Variants in RPS6KL1 observed in about 807,000 individuals in gnomAD.
RPS6KL1 encodes the protein ribosomal protein S6 kinase like 1, also known as ribosomal protein S6 kinase-like 1.
Under a neutral mutation model 57.0 loss-of-function variants are expected in RPS6KL1, and 41 were observed. The ratio of observed to expected loss-of-function variants is 0.72; its 90% confidence interval spans 0.56 to 0.93. The LOEUF is 0.93. Ranked by LOEUF, RPS6KL1 falls within the 40% of genes least tolerant of loss-of-function variation. The pLI, the probability that RPS6KL1 is intolerant of heterozygous loss-of-function variation, is 0.00. For synonymous variants in RPS6KL1, 287 were observed against 309.7 expected, an observed-to-expected ratio of 0.93 and a Z score of 0.77; for missense variants, 697 against 727.7, an observed-to-expected ratio of 0.96 and a Z score of 0.49.
intron 11 of RPS6KL1, 24 bp downstream of exon 11, chr14:74,907,411 T>TCC: frequency 6.4e-7 from 1 of 1,554,540 alleles, no homozygotes; most frequent in Admixed American, 1.9e-5. Context: ...GGCAGCTGCT[T>TCC]CCTCTGGCCG....
intron 7 of RPS6KL1, 162 bp downstream of exon 7, chr14:74,911,086 G>T (rs1885874148): frequency 1.6e-6 from 1 of 639,826 alleles, no homozygotes; most frequent in African/African-American, 1.8e-5. Flanking sequence ...TGGCCAGGCT[G>T]GTCTTGAACT....
At position 74,911,303 on chromosome 14, in the gene RPS6KL1, C is replaced by T; in HGVS notation, c.609G>A (p.Leu203=). Residue 203 remains leucine (L), a synonymous_variant, in exon 7 of 12, where the codon CTG becomes CTA. Coordinates refer to ENST00000557413, the MANE Select transcript of RPS6KL1 (RefSeq NM_031464.5). The part of the protein sequence containing the change: ...IPHGVPYMTK[L]LRYFVSEDSI... ...AGTCCTCGCTCACAAAGTACCTGAG[C>T]AGCTTCGTCATGTAGGGGACTCCGT... 6.2e-7 allele frequency: 1 copy of T among 1,612,638 alleles called. No individual in the cohort carries two copies.
chr14:74,920,601 T>C (rs1887674652), intron 3 of RPS6KL1, among the ~76,000 whole-genome samples: 1 of 152,248 alleles, frequency 6.6e-6, no homozygotes, highest in African/African-American at 2.4e-5. Flanking sequence ...TTGAATGTTC[T>C]TTCTGGAACT....
rs1266131484 is a variant in RPS6KL1, at chr14:74,919,862, C to T, written c.373G>A (p.Gly125Arg). Residue 125 changes from glycine to arginine, a missense_variant, in exon 4 of 12, where the codon GGA becomes AGA. Coordinates refer to ENST00000557413, the MANE Select transcript of RPS6KL1 (RefSeq NM_031464.5). ...CTCCTCACCGCGCTGGGGCTGGCTC[C>T]ACTGCTCAGCGGCCGCTGCAGGTGG... ...NCHLQRPLSS[G>R]ASPSAGFSSL... 3.7e-6 allele frequency: 6 copies of T among 1,613,422 alleles called. No individual in the cohort carries two copies. The highest frequency in any genetic ancestry group is 5.1e-6 in the Non-Finnish European group (6 of 1,179,966).
rs2140252887 is a variant in RPS6KL1, at chr14:74,908,722, C to T, written c.1443+128G>A. ...TTGGGAGTGCTAAGTGTGTCCCTGGCTTCGGGGGCAGTTGTGCTGGTAGGA... is the reference window on the plus strand; with the variant it reads ...TTGGGAGTGCTAAGTGTGTCCCTGGTTTCGGGGGCAGTTGTGCTGGTAGGA... On this transcript the variant is annotated intron_variant, in intron 10 of 11. Coordinates refer to ENST00000557413, the MANE Select transcript of RPS6KL1 (RefSeq NM_031464.5). The T allele has an allele frequency of 5.1e-6, 4 of 789,718 alleles. No homozygotes were observed. The East Asian group carries it at 7.6e-5, about 15-fold the overall frequency. 48.9% of individuals were successfully genotyped at this position (789,718 alleles called of 1,614,324 possible).
At chr14:74,910,497 A>G (rs1208790751) in intron 7 of RPS6KL1, 2 of 189,018 alleles carry the variant, frequency 1.1e-5, no homozygotes, top group Admixed American at 1.2e-4. Context: ...TCAGGCACAC[A>G]CTTATGATGA....
chr14:74,907,279 G>T, intron 11 of RPS6KL1, 155 bp from the exon 12 acceptor site: 1 of 1,391,050 alleles, frequency 7.2e-7, no homozygotes, highest in Non-Finnish European at 9.6e-7. Context: ...GGTGGTGGTT[G>T]GCCACCAACA....
At position 74,921,486 on chromosome 14, in the gene RPS6KL1, C is replaced by T. The variant is rs763344794; in HGVS notation, c.56G>A (p.Cys19Tyr). 1.7e-5 allele frequency: 28 copies of T among 1,613,984 alleles called. No homozygotes were observed. In the Admixed American group the frequency reaches 2.0e-4, roughly 12 times the overall value. Residue 19 changes from cysteine (C) to tyrosine (Y), a missense_variant, in exon 3 of 12, where the codon TGC becomes TAC. By Grantham distance (194) the Cys-to-Tyr change is radical. Transcript: ENST00000557413. Reference protein sequence around the residue: ...LPSPGLEPEPCSRARSQAHVY... With the variant: ...LPSPGLEPEPYSRARSQAHVY... The stretch of plus-strand genomic sequence containing the variant: ...GTGAGCTTGGGACCGTGCTCGTGAG[C>T]AAGGCTCAGGCTCCAGGCCGGGGCT...
rs1555375190 is a variant in RPS6KL1, at chr14:74,906,412, G to GGGGT, written c.*601_*602insACCC. On this transcript the variant is annotated 3_prime_UTR_variant, in exon 12 of 12. Transcript: ENST00000557413. Reference sequence around the variant, plus strand: ...GGGCATGGTCAGGAATCGGGGGTGGGGGGGTGGGGGTGGGGGTCATCCTGT... The same window carrying GGGGT: ...GGGCATGGTCAGGAATCGGGGGTGGGGGGTGGGGTGGGGGTGGGGGTCATCCTGT... 3 of 341,024 alleles carry GGGGT rather than the reference G, an allele frequency of 8.8e-6. No homozygotes were observed. Among genetic ancestry groups the GGGGT allele is most frequent in the African/African-American group, 7.0e-5 (3 of 42,956 alleles). The allele number at this position is 341,024 out of a possible 1,614,324, so 21.1% of individuals were successfully genotyped here. A position where few individuals can be genotyped will look rare whatever the true frequency, so the allele number is the denominator to read the frequency against.
In RPS6KL1 at chr14:74,907,473, C is replaced by T. The variant is rs774887864; in HGVS notation, c.1501G>A (p.Glu501Lys). ...IQAHTQLQLP[E>K]WLSRPAASLL... ...GAGGCCGCTGGGCGACTGAGCCACTCGGGCAGCTGGAGCTGGGTGTGGGCC... is the reference window on the plus strand; with the variant it reads ...GAGGCCGCTGGGCGACTGAGCCACTTGGGCAGCTGGAGCTGGGTGTGGGCC... The change falls in exon 11 of 12, where the codon GAG becomes AAG. Residue 501 changes from glutamate to lysine, a missense_variant. By Grantham distance (56) the Glu-to-Lys change is moderately conservative (BLOSUM62 1). Coordinates refer to ENST00000557413, the MANE Select transcript of RPS6KL1 (RefSeq NM_031464.5). 1.3e-5 allele frequency: 21 copies of T among 1,588,714 alleles called. No homozygotes were observed. The Admixed American group carries it at 2.0e-4, about 15-fold the overall frequency.
Position 74,921,262 on chromosome 14 carries a change from A to T in RPS6KL1, c.265+15T>A. ...TTCCCCACCCACCCCAGCCCTGCCC[A>T]GCCCCGGTCCTCACCGTGTATGCCA... On this transcript the variant is annotated intron_variant, in intron 3 of 11. Transcript: ENST00000557413. 1 of 555,102 alleles carries T rather than the reference A, an allele frequency of 1.8e-6. No individual in the cohort carries two copies. Among genetic ancestry groups the T allele is most frequent in the Non-Finnish European group, 3.1e-6 (1 of 325,476 alleles). 34.4% of individuals were successfully genotyped at this position (555,102 alleles called of 1,614,324 possible). A position where few individuals can be genotyped will look rare whatever the true frequency, so the allele number is the denominator to read the frequency against.
rs1301864777 is a variant in RPS6KL1, at chr14:74,905,644, A to C, written c.*1370T>G. On this transcript the variant is annotated 3_prime_UTR_variant, in exon 12 of 12. Coordinates refer to ENST00000557413, the MANE Select transcript of RPS6KL1 (RefSeq NM_031464.5). Reference sequence around the variant, plus strand: ...TGCATGGAAGAAGCGAGAACACCGTAGGCCAGAGCAGGCTTTATTGGGGCC... The same window carrying C: ...TGCATGGAAGAAGCGAGAACACCGTCGGCCAGAGCAGGCTTTATTGGGGCC... 6.6e-6 allele frequency: 1 copy of C among 152,326 alleles called. No individual in the cohort carries two copies. The highest frequency in any genetic ancestry group is 1.5e-5 in the Non-Finnish European group (1 of 68,136). The allele number at this position is 152,326 out of a possible 1,614,324, so 9.4% of individuals were successfully genotyped here.
rs1281835458 is a variant in RPS6KL1 at position 74,904,180 on chromosome 14, T to C, written c.*2834A>G. ...AGCTCAAGACCTGGGGATGTTGTCA[T>C]AGGCAGAATCAAAGATTTTCTGATT... On this transcript the variant is annotated 3_prime_UTR_variant, in exon 12 of 12. Transcript: ENST00000557413. 1 of 152,230 alleles carries C rather than the reference T, an allele frequency of 6.6e-6. No individual in the cohort carries two copies. The highest frequency in any genetic ancestry group is 1.5e-5 in the Non-Finnish European group (1 of 68,052). The allele number at this position is 152,230 out of a possible 1,614,324, so 9.4% of individuals were successfully genotyped here. A position where few individuals can be genotyped will look rare whatever the true frequency, so the allele number is the denominator to read the frequency against.
intron 2 of RPS6KL1, 132 bp from the exon 3 acceptor site, chr14:74,921,693 G>C: frequency 2.1e-6 from 3 of 1,443,208 alleles, no homozygotes; most frequent in Non-Finnish European, 2.7e-6. Flanking sequence ...AGCTAAAGTG[G>C]GTAAGGTCTT....
rs1884862174 is a variant in RPS6KL1, at chr14:74,906,422, GTGGGGGT to G, written c.*585_*591del. On this transcript the variant is annotated 3_prime_UTR_variant, in exon 12 of 12. Coordinates refer to ENST00000557413, the MANE Select transcript of RPS6KL1 (RefSeq NM_031464.5). ...AGGAATCGGGGGTGGGGGGGTGGGGGTGGGGGTCATCCTGTCCCCTACCTCATCCCTC... is the reference window on the plus strand; with the variant it reads ...AGGAATCGGGGGTGGGGGGGTGGGGGCATCCTGTCCCCTACCTCATCCCTC... The G allele has an allele frequency of 1.1e-5, 4 of 352,180 alleles. No homozygotes were observed. The highest frequency in any genetic ancestry group is 7.3e-5 in the African/African-American group (3 of 41,322). 21.8% of individuals were successfully genotyped at this position (352,180 alleles called of 1,614,324 possible).
intron 3 of RPS6KL1, 37 bp from the exon 4 acceptor site, chr14:74,920,006 G>C: frequency 1.2e-6 from 2 of 1,613,194 alleles, no homozygotes. Context: ...CCCCAGCCAT[G>C]GCCTCGGAGG....
In RPS6KL1 at chr14:74,919,913, G is replaced by A. The variant is rs747829572; in HGVS notation, c.322C>T (p.Arg108Trp). 9.9e-6 allele frequency: 16 copies of A among 1,613,934 alleles called. No homozygotes were observed. The highest frequency in any genetic ancestry group is 2.7e-5 in the African/African-American group (2 of 74,900). The stretch of plus-strand genomic sequence containing the variant: ...CAGTTGAAGATCTCCTCTGCCCGCC[G>A]CAGGTATTTGGTAATTTTCAGCTTC... ...AVKLKITKYLRRAEEIFNCHL... is the reference protein window; with the variant it reads ...AVKLKITKYLWRAEEIFNCHL... The change falls in exon 4 of 12, where the codon CGG becomes TGG. Residue 108 changes from arginine (R) to tryptophan (W), a missense_variant. Transcript: ENST00000557413.
In RPS6KL1 at chr14:74,911,394, G is replaced by T; in HGVS notation, c.532-14C>A. 6.3e-7 allele frequency: 1 copy of T among 1,599,126 alleles called. No homozygotes were observed. The highest frequency in any genetic ancestry group is 8.5e-7 in the Non-Finnish European group (1 of 1,174,982). On this transcript the variant is annotated splice_polypyrimidine_tract_variant and intron_variant, in intron 6 of 11. Transcript: ENST00000557413. The stretch of plus-strand genomic sequence containing the variant: ...CCTGGGTAGGCTCTGGGAGCAGCAG[G>T]GCAGGCAGATCAGCCGGGGACAGGC...
chr14:74,909,182 G>A lies in RPS6KL1; in HGVS notation c.1279C>T (p.Arg427Trp), dbSNP rs200495565. ...GACCACTGGCCAAAATATGTGAGCC[G>A]GATGTGACCTCCAGTGTGTGGGAGG... ...NLLLDQAGHI[R>W]LTYFGQWSEV... Residue 427 changes from arginine (R) to tryptophan (W), a missense_variant, in exon 9 of 12, where the codon CGG (arginine) becomes TGG (tryptophan). Coordinates refer to ENST00000557413, the MANE Select transcript of RPS6KL1 (RefSeq NM_031464.5). The A allele has an allele frequency of 1.2e-5, 19 of 1,614,014 alleles. No homozygotes were observed. Among genetic ancestry groups the A allele is most frequent in the Admixed American group, 3.3e-5 (2 of 60,006 alleles).
Sources: allele counts gnomAD v4.1 joint callset (sites outside exome capture counted in the v4.1 genomes callset), GRCh38; gene constraint gnomAD v4.1.1; transcripts MANE v1.5; gene names NCBI Gene and HGNC (gene_info 2026-07-23, HGNC 2026-07-21).